HOOK3: variants seen among roughly 807,000 people sequenced by gnomAD.
HOOK3 encodes the protein hook microtubule tethering protein 3.
Under a neutral mutation model 116.3 loss-of-function variants are expected in HOOK3, and 24 were observed. The observed-to-expected ratio is 0.21, with a 90% CI of 0.15 to 0.29. HOOK3 has a LOEUF of 0.29. Among genes scored for constraint, HOOK3 ranks in the 10% least tolerant of loss-of-function variants. HOOK3 has a pLI of 1.00. For missense variants in HOOK3, 632 were observed against 830.2 expected (o/e 0.76, Z 2.93); for synonymous variants, 275 against 283.0 (o/e 0.97, Z 0.28).
At chr8:42,917,526 C>T (rs568879333) in intron 2 of HOOK3, among the ~76,000 whole-genome samples, 1 of 152,116 alleles carries the variant, frequency 6.6e-6, no homozygotes, top group African/African-American at 2.4e-5. Context: ...TAAAGGAGCT[C>T]CTTATGAATT....
chr8:42,932,974 A>G (rs1478605125), intron 4 of HOOK3, among the ~76,000 whole-genome samples: 1 of 152,178 alleles, frequency 6.6e-6, no homozygotes, highest in Non-Finnish European at 1.5e-5. Context: ...TTTATGTGTT[A>G]TACTTCATAA....
In HOOK3 at chr8:42,940,374, C is replaced by T. The variant is rs915794807; in HGVS notation, c.268-2939C>T. Among the ~76,000 whole-genome samples, 6 of 152,184 alleles carry T rather than the reference C, an allele frequency of 3.9e-5. No homozygotes were observed. The East Asian group carries it at 5.8e-4, about 15-fold the overall frequency. On this transcript the variant is annotated intron_variant, in intron 4 of 21. Transcript: ENST00000307602. ...GCGCGCGCCCGCAATCGCAGGCACT[C>T]GGCAGGCCAAGGCAGGAGAATCAGG...
intron 12 of HOOK3, 48 bp from the exon 13 acceptor site, chr8:42,974,059 A>C (rs1373135638): frequency 3.7e-6 from 5 of 1,364,300 alleles, no homozygotes; most frequent in African/African-American, 2.9e-5. Context: ...CTGATGAATA[A>C]ATTCTTAAAA....
At chr8:43,002,205 A>G in intron 17 of HOOK3, 64 bp downstream of exon 17, 1 of 1,249,464 alleles carries the variant, frequency 8.0e-7, no homozygotes, top group Non-Finnish European at 1.2e-6. Flanking sequence ...TGTGTTAGGT[A>G]GTTACGGTGT....
chr8:42,982,479 TTAA>T (rs1193931184), intron 13 of HOOK3, 145 bp from the exon 14 acceptor site: 12 of 578,366 alleles, frequency 2.1e-5, no homozygotes, highest in African/African-American at 1.1e-4. Flanking sequence ...ATAATAATAC[TTAA>T]TAATATTTTA....
chr8:42,925,399 A>G (rs1175125728), intron 2 of HOOK3, among the ~76,000 whole-genome samples, 158 bp from the exon 3 acceptor site: 14 of 152,144 alleles, frequency 9.2e-5, no homozygotes, highest in African/African-American at 3.4e-4. Flanking sequence ...TACCTGGCCA[A>G]CTTGACTGTT....
chr8:42,982,510 T>C, intron 13 of HOOK3, 117 bp from the exon 14 acceptor site: 1 of 701,114 alleles, frequency 1.4e-6, no homozygotes, highest in East Asian at 2.7e-5. Context: ...TGTGACGTGG[T>C]CCTTTACTTG....
intron 1 of HOOK3, among the ~76,000 whole-genome samples, chr8:42,902,592 C>T (rs562397294): frequency 6.6e-6 from 1 of 152,172 alleles, no homozygotes; most frequent in South Asian, 2.1e-4. Flanking sequence ...TTTTCAAACC[C>T]CCCCAGATGA....
intron 2 of HOOK3, among the ~76,000 whole-genome samples, chr8:42,923,455 T>C (rs1025684136): frequency 2.0e-5 from 3 of 152,204 alleles, no homozygotes; most frequent in African/African-American, 7.2e-5. Flanking sequence ...AAATGTGATA[T>C]ATCTATAAAT....
At chr8:42,993,272 A>G (rs1563309688) in intron 15 of HOOK3, among the ~76,000 whole-genome samples, 1 of 152,056 alleles carries the variant, frequency 6.6e-6, no homozygotes, top group South Asian at 2.1e-4. Flanking sequence ...ATACTTATAT[A>G]TATATTTTTA....
chr8:43,004,625 G>A (rs541804510), intron 17 of HOOK3, among the ~76,000 whole-genome samples: 36 of 147,050 alleles, frequency 2.4e-4, no homozygotes, highest in Admixed American at 1.6e-3. Context: ...AGGTTGCAGT[G>A]AGCCGAGGTC....
intron 6 of HOOK3, among the ~76,000 whole-genome samples, chr8:42,951,925 G>A (rs1319661286): frequency 6.6e-6 from 1 of 150,718 alleles, no homozygotes; most frequent in African/African-American, 2.5e-5. Context: ...TGGCGACAGC[G>A]AGACTCCGTC....
At chr8:42,907,835 A>AAAAAC (rs1563288257) in intron 2 of HOOK3, among the ~76,000 whole-genome samples, 13 of 150,576 alleles carry the variant, frequency 8.6e-5, no homozygotes, top group Non-Finnish European at 1.5e-4. Flanking sequence ...AAAAAAAAAA[A>AAAAAC]AAAACAGTAA....
At chr8:42,924,790 T>C (rs1290062453) in intron 2 of HOOK3, among the ~76,000 whole-genome samples, 5 of 152,010 alleles carry the variant, frequency 3.3e-5, no homozygotes, top group Non-Finnish European at 5.9e-5. Flanking sequence ...CTGGCCAACA[T>C]GGTGAAACCA....
chr8:42,896,993 G>A lies in HOOK3; in HGVS notation c.-139G>A. 1.9e-6 allele frequency: 1 copy of A among 520,684 alleles called. No homozygotes were observed. Among genetic ancestry groups the A allele is most frequent in the Non-Finnish European group, 3.0e-6 (1 of 338,898 alleles). 32.3% of individuals were successfully genotyped at this position (520,684 alleles called of 1,614,324 possible). On this transcript the variant is annotated 5_prime_UTR_variant, in exon 1 of 22. Transcript: ENST00000307602. Reference sequence around the variant, plus strand: ...GTGACGGTGCGGAGCCGCTGCCAGCGCTGGGCGAGAGTCGGCGGCCGGATC... The same window carrying A: ...GTGACGGTGCGGAGCCGCTGCCAGCACTGGGCGAGAGTCGGCGGCCGGATC...
rs1381041400 is a variant in HOOK3, at chr8:42,978,761, C to A, written c.1322-3866C>A. On this transcript the variant is annotated intron_variant, in intron 13 of 21. Coordinates refer to ENST00000307602, the MANE Select transcript of HOOK3 (RefSeq NM_032410.4). The stretch of plus-strand genomic sequence containing the variant: ...AAGGGGTTTCATCATGTTGGCCAGG[C>A]TGATCTTGAACTCCTGGCCTCAGGT... Among the ~76,000 whole-genome samples the A allele has an allele frequency of 5.9e-5, 9 of 152,102 alleles. 1 individual carries two copies. The highest frequency in any genetic ancestry group is 5.9e-4 in the Admixed American group (9 of 15,264).
At chr8:42,984,417 A>G (rs1809011274) in intron 14 of HOOK3, among the ~76,000 whole-genome samples, 1 of 152,024 alleles carries the variant, frequency 6.6e-6, no homozygotes, top group Non-Finnish European at 1.5e-5. Flanking sequence ...TTAAGGCAGC[A>G]CCAAATCTGG....
chr8:42,951,330 AG>A (rs1449755998), intron 6 of HOOK3, among the ~76,000 whole-genome samples: 1 of 151,182 alleles, frequency 6.6e-6, no homozygotes, highest in Non-Finnish European at 1.5e-5. Flanking sequence ...CCAAAGTGCT[AG>A]GATTACAGGC....
intron 1 of HOOK3, among the ~76,000 whole-genome samples, chr8:42,899,614 A>G (rs1807141887): frequency 1.3e-5 from 2 of 152,228 alleles, no homozygotes; most frequent in South Asian, 4.1e-4. Flanking sequence ...CTAAAACCAA[A>G]TGCAAGCAAA....
Sources: allele counts gnomAD v4.1 joint callset (sites outside exome capture counted in the v4.1 genomes callset), GRCh38; gene constraint gnomAD v4.1.1; transcripts MANE v1.5; gene names NCBI Gene and HGNC (gene_info 2026-07-23, HGNC 2026-07-21).